EML4: variants seen among roughly 807,000 people sequenced by gnomAD.
EML4 encodes the protein echinoderm microtubule-associated protein-like 4.
Under a neutral mutation model 129.0 loss-of-function variants are expected in EML4, and 72 were observed. That is an observed-to-expected ratio of 0.56 (90% CI 0.46 to 0.68). The LOEUF (loss-of-function observed/expected upper bound fraction) is 0.68, where lower values mean the gene tolerates loss of function less well. EML4 is among the 30% of genes least tolerant of loss of function. The pLI, the probability that EML4 is intolerant of heterozygous loss-of-function variation, is 0.00. For missense variants in EML4, 1,363 were observed against 1,190.6 expected (o/e 1.14, Z -2.13); for synonymous variants, 532 against 405.0 (o/e 1.31, Z -3.77).
intron 11 of EML4, among the ~76,000 whole-genome samples, chr2:42,292,486 A>C (rs1667701705): frequency 6.6e-6 from 1 of 152,246 alleles, no homozygotes. Flanking sequence ...AATGGATTTT[A>C]GAAATGAAAT....
At chr2:42,238,417 G>A (rs2104253033) in intron 1 of EML4, among the ~76,000 whole-genome samples, 1 of 152,206 alleles carries the variant, frequency 6.6e-6, no homozygotes, top group South Asian at 2.1e-4. Flanking sequence ...ACTGCAAAGA[G>A]GTAAGGGGAA....
intron 1 of EML4, among the ~76,000 whole-genome samples, chr2:42,193,892 C>T (rs1289585249): frequency 1.3e-5 from 2 of 152,056 alleles, no homozygotes; most frequent in Non-Finnish European, 2.9e-5. Context: ...CACTATGTTG[C>T]CTGTACTGTC....
intron 16 of EML4, among the ~76,000 whole-genome samples, chr2:42,304,283 C>T (rs1260780185): frequency 6.6e-6 from 1 of 152,186 alleles, no homozygotes; most frequent in Non-Finnish European, 1.5e-5. Flanking sequence ...TTGTCCCTTT[C>T]CCTCACCACT....
At position 42,247,477 on chromosome 2, in the gene EML4, G is replaced by T. The variant is rs550356001; in HGVS notation, c.208+1790G>T. On this transcript the variant is annotated intron_variant, in intron 2 of 22. Transcript: ENST00000318522. The stretch of plus-strand genomic sequence containing the variant: ...GTGATTCCCACTCTTTTCCCTCTTG[G>T]CCTCATGTACTCTGGGTCTGTGTAT... Among the ~76,000 whole-genome samples, 5 of 152,130 alleles carry T rather than the reference G, an allele frequency of 3.3e-5. No homozygotes were observed. The East Asian group carries it at 9.7e-4, about 29-fold the overall frequency.
At chr2:42,223,778 T>G (rs894282656) in intron 1 of EML4, among the ~76,000 whole-genome samples, 2 of 152,134 alleles carry the variant, frequency 1.3e-5, no homozygotes, top group Non-Finnish European at 2.9e-5. Context: ...TAAATATGCA[T>G]AATAGTCTCT....
intron 1 of EML4, among the ~76,000 whole-genome samples, chr2:42,191,434 T>C (rs925844691): frequency 2.0e-5 from 3 of 152,158 alleles, no homozygotes; most frequent in Non-Finnish European, 4.4e-5. Context: ...AGGACTTTGG[T>C]CCTGTTACAT....
At chr2:42,201,445 C>CT (rs1410018751) in intron 1 of EML4, among the ~76,000 whole-genome samples, 1 of 152,170 alleles carries the variant, frequency 6.6e-6, no homozygotes, top group East Asian at 1.9e-4. Context: ...TCTAATAGAA[C>CT]TTTAAAAAGT....
chr2:42,272,151 GTTA>G (rs376822144), intron 6 of EML4, among the ~76,000 whole-genome samples: 8 of 150,590 alleles, frequency 5.3e-5, no homozygotes, highest in African/African-American at 2.0e-4. Flanking sequence ...TCTAGTAATT[GTTA>G]TTGTTTTCTA....
At chr2:42,313,782 A>G (rs1039011891) in intron 17 of EML4, among the ~76,000 whole-genome samples, 2 of 151,834 alleles carry the variant, frequency 1.3e-5, no homozygotes, top group African/African-American at 4.8e-5. Flanking sequence ...ACAGAAAATT[A>G]TCTGGGCGTG....
At chr2:42,328,042 T>C (rs1157780548) in intron 21 of EML4, among the ~76,000 whole-genome samples, 1 of 152,246 alleles carries the variant, frequency 6.6e-6, no homozygotes, top group Non-Finnish European at 1.5e-5. Context: ...AATTTCATTA[T>C]TCTACGTGAA....
chr2:42,278,797 A>G (rs1192284604), intron 6 of EML4, among the ~76,000 whole-genome samples: 2 of 149,898 alleles, frequency 1.3e-5, no homozygotes, highest in East Asian at 4.1e-4. Context: ...TTAGCAAGGC[A>G]TGGTGGCACA....
chr2:42,222,067 T>G (rs1240974591), intron 1 of EML4, among the ~76,000 whole-genome samples: 1 of 152,120 alleles, frequency 6.6e-6, no homozygotes, highest in African/African-American at 2.4e-5. Context: ...GTCTTCTCTC[T>G]CTGTAGCCAT....
chr2:42,180,478 G>C (rs1376985647), intron 1 of EML4, among the ~76,000 whole-genome samples: 7 of 152,252 alleles, frequency 4.6e-5, no homozygotes, highest in African/African-American at 1.7e-4. Context: ...GTGCTAAGTG[G>C]TGTGCCAGGT....
chr2:42,267,734 G>A (rs1215148801), intron 6 of EML4, among the ~76,000 whole-genome samples: 1 of 152,162 alleles, frequency 6.6e-6, no homozygotes, highest in Non-Finnish European at 1.5e-5. Flanking sequence ...GAGAGGAAGG[G>A]CAGGTTATGC....
intron 1 of EML4, among the ~76,000 whole-genome samples, chr2:42,230,924 G>A (rs1191623262): frequency 2.0e-5 from 3 of 152,174 alleles, no homozygotes; most frequent in South Asian, 2.1e-4. Context: ...ATGTCCTTAC[G>A]TGTTAGTATA....
chr2:42,323,437 G>C (rs1669624593), intron 19 of EML4, among the ~76,000 whole-genome samples: 1 of 152,160 alleles, frequency 6.6e-6, no homozygotes, highest in African/African-American at 2.4e-5. Flanking sequence ...AGTGATTTCA[G>C]AAAGCTTCAC....
In EML4 at chr2:42,256,623, G is replaced by T; in HGVS notation, c.331G>T (p.Ala111Ser). 1 of 1,613,338 alleles carries T rather than the reference G, an allele frequency of 6.2e-7. No homozygotes were observed. Among genetic ancestry groups the T allele is most frequent in the East Asian group, 2.2e-5 (1 of 44,860 alleles). Residue 111 changes from alanine to serine, a missense_variant, in exon 3 of 23, where the codon GCT becomes TCT. Ala to Ser is a moderately conservative substitution (Grantham distance 99). Transcript: ENST00000318522. ...AGGAAAAGAAACTCTTTCATCTGCTGCTAAAAGGTACCCATTTATGAAAGG... is the reference window on the plus strand; with the variant it reads ...AGGAAAAGAAACTCTTTCATCTGCTTCTAAAAGGTACCCATTTATGAAAGG... ...IAGKETLSSA[A>S]KSGTEKKKEK...
rs1665839812 is a variant in EML4 at position 42,263,181 on chromosome 2, A to G, written c.516A>G (p.Ile172Met). The change falls in exon 5 of 23, where the codon ATA (isoleucine) becomes ATG (methionine). Residue 172 changes from isoleucine to methionine, a missense_variant. Ile to Met is a conservative substitution (Grantham distance 10). Coordinates refer to ENST00000318522, the MANE Select transcript of EML4 (RefSeq NM_019063.5). ...AAGAAATTAATGTTCCTTCTAGCATAAAACGACCATCACCAGCTGAAAAGT... is the reference window on the plus strand; with the variant it reads ...AAGAAATTAATGTTCCTTCTAGCATGAAACGACCATCACCAGCTGAAAAGT... ...ESKNATPTKS[I>M]KRPSPAEKSH... is the part of the protein sequence containing the mutation. The G allele has an allele frequency of 5.6e-6, 9 of 1,610,240 alleles. No homozygotes were observed. Among genetic ancestry groups the G allele is most frequent in the Non-Finnish European group, 7.6e-6 (9 of 1,178,774 alleles).
intron 1 of EML4, among the ~76,000 whole-genome samples, chr2:42,191,483 G>C (rs1168093524): frequency 6.6e-6 from 1 of 152,104 alleles, no homozygotes. Context: ...TGTGTTGAAA[G>C]GGCAGGGTCA....
Sources: gnomAD v4.1 joint callset for allele counts (sites outside exome capture counted in the v4.1 genomes callset) on GRCh38, gnomAD v4.1.1 for gene constraint, MANE v1.5 for transcripts, NCBI Gene and HGNC (gene_info 2026-07-23, HGNC 2026-07-21) for gene names.